Variants in DLGAP2 observed in about 807,000 individuals in gnomAD.
DLGAP2 encodes DLG associated protein 2.
In DLGAP2, 26 loss-of-function variants were observed where a neutral mutation model predicts 100.3. The observed-to-expected ratio is 0.26, with a 90% CI of 0.19 to 0.36. DLGAP2 has a LOEUF of 0.36. Ranked by LOEUF, DLGAP2 falls within the 10% of genes least tolerant of loss-of-function variation. The pLI is 1.00. For missense variants in DLGAP2, 1,858 were observed against 1,453.2 expected (o/e 1.28, Z -4.53); for synonymous variants, 886 against 630.1 (o/e 1.41, Z -6.08).
chr8:1,639,979 A>C (rs1428085651), intron 8 of DLGAP2, among the ~76,000 whole-genome samples: 3 of 152,134 alleles, frequency 2.0e-5, no homozygotes, highest in African/African-American at 7.2e-5. Flanking sequence ...TTGCCACATA[A>C]AGTACCATGG....
Position 1,542,998 on chromosome 8 carries a change from T to C in DLGAP2, c.173-5628T>C, listed in dbSNP as rs536271578. On this transcript the variant is annotated intron_variant, in intron 4 of 14. Coordinates refer to ENST00000637795, the MANE Select transcript of DLGAP2 (RefSeq NM_001346810.2). ...CGCCTTTCTGTGTGCTCTTTCGCCG[T>C]TAGGACATCTTCTTTGGAGAAATAT... Among the ~76,000 whole-genome samples, 20 of 152,330 alleles carry C rather than the reference T, an allele frequency of 1.3e-4. No individual in the cohort carries two copies. The South Asian group carries it at 4.1e-3, about 32-fold the overall frequency.
intron 2 of DLGAP2, among the ~76,000 whole-genome samples, chr8:1,175,647 C>T (rs1041029210): frequency 3.9e-5 from 6 of 152,032 alleles, no homozygotes; most frequent in Non-Finnish European, 7.4e-5. Context: ...TAAATACATC[C>T]CTTGTGTTTT....
chr8:911,116 A>G (rs1798476115), intron 2 of DLGAP2, among the ~76,000 whole-genome samples: 1 of 152,110 alleles, frequency 6.6e-6, no homozygotes, highest in Non-Finnish European at 1.5e-5. Context: ...CTAAAGTTTT[A>G]TAGCCAGGTG....
intron 3 of DLGAP2, among the ~76,000 whole-genome samples, chr8:1,322,483 C>T (rs529352931): frequency 2.6e-5 from 4 of 152,136 alleles, no homozygotes; most frequent in South Asian, 2.1e-4. Context: ...CAGCATGCTG[C>T]GTCCTGCTTC....
intron 2 of DLGAP2, among the ~76,000 whole-genome samples, chr8:1,044,776 A>G (rs1383640532): frequency 2.6e-5 from 4 of 152,096 alleles, no homozygotes; most frequent in African/African-American, 7.2e-5. Context: ...CCCCCTCGCT[A>G]TGGAAGAGCT....
chr8:755,439 A>C (rs1301614250), intron 1 of DLGAP2, among the ~76,000 whole-genome samples: 1 of 152,252 alleles, frequency 6.6e-6, no homozygotes, highest in African/African-American at 2.4e-5. Context: ...CCTGGGCGAC[A>C]GAGCAAGACC....
At chr8:1,146,195 C>CA (rs1796602978) in intron 2 of DLGAP2, among the ~76,000 whole-genome samples, 1 of 152,182 alleles carries the variant, frequency 6.6e-6, no homozygotes, top group South Asian at 2.1e-4. Context: ...GCTGTGACAG[C>CA]ATCTTGTCAT....
chr8:1,575,502 G>C (rs1160238477), intron 6 of DLGAP2, among the ~76,000 whole-genome samples: 1 of 109,586 alleles, frequency 9.1e-6, no homozygotes, highest in Non-Finnish European at 2.2e-5. Flanking sequence ...AAGTTCTAGG[G>C]TACATGTGCA....
At chr8:1,136,265 C>A (rs1796409244) in intron 2 of DLGAP2, among the ~76,000 whole-genome samples, 4 of 151,882 alleles carry the variant, frequency 2.6e-5, no homozygotes, top group Admixed American at 2.6e-4. Context: ...AATTTCCAGC[C>A]CTCTCATTTA....
At chr8:973,146 G>A (rs1253204302) in intron 2 of DLGAP2, among the ~76,000 whole-genome samples, 3 of 152,336 alleles carry the variant, frequency 2.0e-5, no homozygotes, top group East Asian at 1.9e-4. Context: ...CCTCCCAGAT[G>A]GGGTGGCGGC....
At chr8:1,511,044 G>A (rs976386796) in intron 4 of DLGAP2, among the ~76,000 whole-genome samples, 1 of 152,372 alleles carries the variant, frequency 6.6e-6, no homozygotes, top group African/African-American at 2.4e-5. Flanking sequence ...CAGGGCATCA[G>A]TTAGTTCAGC....
chr8:1,624,762 G>A (rs1797446886), intron 6 of DLGAP2, among the ~76,000 whole-genome samples: 3 of 152,128 alleles, frequency 2.0e-5, no homozygotes, highest in Admixed American at 6.5e-5. Flanking sequence ...TGCAGCGGGA[G>A]TCGGCGGGCA....
intron 2 of DLGAP2, among the ~76,000 whole-genome samples, chr8:943,743 A>C (rs923521229): frequency 1.3e-5 from 2 of 152,282 alleles, no homozygotes; most frequent in Non-Finnish European, 2.9e-5. Flanking sequence ...AAGCACAGCG[A>C]GAACCGCTCT....
chr8:1,617,735 C>A (rs1797203584), intron 6 of DLGAP2, among the ~76,000 whole-genome samples: 1 of 152,104 alleles, frequency 6.6e-6, no homozygotes, highest in Admixed American at 6.6e-5. Context: ...CATTATCTAC[C>A]ATAATGGACA....
intron 3 of DLGAP2, among the ~76,000 whole-genome samples, chr8:1,424,721 A>AGGAT (rs1162601627): frequency 2.6e-5 from 4 of 152,180 alleles, no homozygotes; most frequent in African/African-American, 7.2e-5. Context: ...GGATAGGACA[A>AGGAT]GGATGGTGTG....
chr8:1,030,208 G>A (rs1026485875), intron 2 of DLGAP2, among the ~76,000 whole-genome samples: 6 of 152,218 alleles, frequency 3.9e-5, no homozygotes, highest in Non-Finnish European at 7.3e-5. Context: ...AAAGCAATGA[G>A]CGTACCTGAG....
chr8:1,620,604 C>G (rs2472079), intron 6 of DLGAP2: 5 of 152,246 alleles, frequency 3.3e-5, no homozygotes, highest in African/African-American at 1.2e-4. Context: ...TGGGAGAAGT[C>G]TAGGCGCCTT....
At chr8:1,595,800 T>G (rs1796439483) in intron 6 of DLGAP2, among the ~76,000 whole-genome samples, 1 of 152,078 alleles carries the variant, frequency 6.6e-6, no homozygotes, top group African/African-American at 2.4e-5. Flanking sequence ...TAAATATTTA[T>G]TTAGTAGTCT....
intron 1 of DLGAP2, among the ~76,000 whole-genome samples, chr8:870,326 G>T (rs1042906197): frequency 6.6e-6 from 1 of 152,122 alleles, no homozygotes; most frequent in African/African-American, 2.4e-5. Flanking sequence ...CTCTCTTCCA[G>T]TACTGGACAT....
Sources: gnomAD v4.1 joint callset for allele counts (sites outside exome capture counted in the v4.1 genomes callset) on GRCh38, gnomAD v4.1.1 for gene constraint, MANE v1.5 for transcripts, NCBI Gene and HGNC (gene_info 2026-07-23, HGNC 2026-07-21) for gene names.